Variants in NRG3 observed in about 807,000 individuals in gnomAD.
NRG3 encodes neuregulin 3.
Under a neutral mutation model 66.9 loss-of-function variants are expected in NRG3, and 31 were observed. The observed-to-expected ratio is 0.46, with a 90% CI of 0.35 to 0.63. The LOEUF (loss-of-function observed/expected upper bound fraction) is 0.63. Ranked by LOEUF, NRG3 falls within the 20% of genes least tolerant of loss-of-function variation. The probability of loss-of-function intolerance (pLI) is 0.00; values close to 1 mark genes in which losing one functional copy is unlikely to be tolerated. For synonymous variants in NRG3, 393 were observed against 359.4 expected (o/e 1.09, Z -1.06); for missense variants, 910 against 878.9 (o/e 1.04, Z -0.45).
chr10:82,910,767 A>T (rs1845239324), intron 4 of NRG3, among the ~76,000 whole-genome samples: 1 of 152,266 alleles, frequency 6.6e-6, no homozygotes, highest in African/African-American at 2.4e-5. Flanking sequence ...ATGATGAGTA[A>T]ATATAAAAAC....
In NRG3 at chr10:82,617,219, TACACACACCACAC is replaced by T. The variant is rs1313950801; in HGVS notation, c.954-121343_954-121331del. Among the ~76,000 whole-genome samples the T allele has an allele frequency of 2.6e-4, 29 of 111,478 alleles. No individual in the cohort carries two copies. The South Asian group carries it at 4.5e-3, about 17-fold the overall frequency. 73.1% of individuals were successfully genotyped at this position (111,478 alleles called of 152,430 possible). On this transcript the variant is annotated intron_variant, in intron 2 of 8. Coordinates refer to ENST00000372141, the MANE Select transcript of NRG3 (RefSeq NM_001010848.4). ...CAAACACAAACACACATCACACATA[TACACACACCACAC>T]ACACACACCACACAGACACACATAC...
chr10:82,290,273 G>C (rs2079649387), intron 1 of NRG3, among the ~76,000 whole-genome samples: 1 of 152,120 alleles, frequency 6.6e-6, no homozygotes, highest in South Asian at 2.1e-4. Context: ...TATGATTTTT[G>C]CTGTCAAACT....
chr10:82,432,454 C>T (rs1009771625), intron 2 of NRG3, among the ~76,000 whole-genome samples: 1 of 150,482 alleles, frequency 6.6e-6, no homozygotes, highest in African/African-American at 2.5e-5. Flanking sequence ...GCATAGTATT[C>T]CATTGCATAT....
At chr10:82,314,134 A>G (rs1212254036) in intron 1 of NRG3, among the ~76,000 whole-genome samples, 3 of 152,218 alleles carry the variant, frequency 2.0e-5, no homozygotes, top group African/African-American at 7.2e-5. Context: ...CAAAGTCCTC[A>G]GCACAGATTA....
At chr10:82,193,881 A>C (rs2074303495) in intron 1 of NRG3, among the ~76,000 whole-genome samples, 1 of 152,184 alleles carries the variant, frequency 6.6e-6, no homozygotes, top group Non-Finnish European at 1.5e-5. Flanking sequence ...ATTGACACTG[A>C]ATAACCCTGG....
At chr10:82,011,311 A>G (rs558109959) in intron 1 of NRG3, among the ~76,000 whole-genome samples, 2 of 152,238 alleles carry the variant, frequency 1.3e-5, no homozygotes, top group South Asian at 4.1e-4. Flanking sequence ...TATTACAAGA[A>G]CAGTATGAGG....
At chr10:82,666,483 C>A (rs1249192370) in intron 2 of NRG3, among the ~76,000 whole-genome samples, 2 of 152,146 alleles carry the variant, frequency 1.3e-5, no homozygotes, top group Admixed American at 6.5e-5. Context: ...AAATCCTCAG[C>A]CTTCCCTCTG....
chr10:82,814,340 A>G (rs1005661292), intron 3 of NRG3, among the ~76,000 whole-genome samples: 4 of 152,238 alleles, frequency 2.6e-5, no homozygotes, highest in Admixed American at 2.0e-4. Context: ...AATTTACATT[A>G]AAGAGTAGAA....
chr10:82,136,116 G>T (rs1238854854), intron 1 of NRG3, among the ~76,000 whole-genome samples: 1 of 152,152 alleles, frequency 6.6e-6, no homozygotes, highest in Non-Finnish European at 1.5e-5. Context: ...GTAGTGCCTT[G>T]GTGGTCTTGG....
intron 2 of NRG3, among the ~76,000 whole-genome samples, chr10:82,457,227 C>G (rs965768367): frequency 6.6e-6 from 1 of 152,052 alleles, no homozygotes; most frequent in African/African-American, 2.4e-5. Context: ...CTTTTTGGCA[C>G]CAGGGACCAG....
chr10:82,877,745 G>A (rs1841967414), intron 4 of NRG3, among the ~76,000 whole-genome samples: 1 of 152,028 alleles, frequency 6.6e-6, no homozygotes, highest in African/African-American at 2.4e-5. Flanking sequence ...GACTTAAATT[G>A]AAGTTTTGTT....
chr10:82,751,023 A>G (rs902142763), intron 3 of NRG3, among the ~76,000 whole-genome samples: 1 of 152,178 alleles, frequency 6.6e-6, no homozygotes, highest in Non-Finnish European at 1.5e-5. Flanking sequence ...ATTCTTGTAC[A>G]TGATACGCAC....
intron 1 of NRG3, among the ~76,000 whole-genome samples, chr10:82,243,572 C>G (rs1479011387): frequency 6.6e-6 from 1 of 152,118 alleles, no homozygotes; most frequent in Admixed American, 6.5e-5. Context: ...TGACTTTACA[C>G]TTTCCAACAG....
At chr10:82,235,098 G>A (rs1160991073) in intron 1 of NRG3, among the ~76,000 whole-genome samples, 1 of 152,192 alleles carries the variant, frequency 6.6e-6, no homozygotes, top group South Asian at 2.1e-4. Context: ...TTAAATTTGG[G>A]GAGCAATGAG....
chr10:82,304,108 A>G (rs1184811788), intron 1 of NRG3, among the ~76,000 whole-genome samples: 1 of 152,194 alleles, frequency 6.6e-6, no homozygotes, highest in Non-Finnish European at 1.5e-5. Context: ...AAGGGTTTCT[A>G]CAATCAACAT....
chr10:82,144,791 GT>G (rs2070122007), intron 1 of NRG3, among the ~76,000 whole-genome samples: 1 of 152,142 alleles, frequency 6.6e-6, no homozygotes, highest in Non-Finnish European at 1.5e-5. Flanking sequence ...CTGAACTTCT[GT>G]TTCCTCCTGT....
chr10:82,707,253 G>A (rs1350754404), intron 2 of NRG3, among the ~76,000 whole-genome samples: 3 of 151,760 alleles, frequency 2.0e-5, no homozygotes, highest in Non-Finnish European at 4.4e-5. Flanking sequence ...ATTTCACAGT[G>A]TATGGATTTT....
intron 2 of NRG3, among the ~76,000 whole-genome samples, chr10:82,403,382 C>T (rs1445980172): frequency 6.6e-6 from 1 of 152,136 alleles, no homozygotes; most frequent in Non-Finnish European, 1.5e-5. Context: ...CATTTTGTGT[C>T]ATTTAATTAT....
At chr10:82,536,559 T>G (rs1041774533) in intron 2 of NRG3, among the ~76,000 whole-genome samples, 7 of 152,212 alleles carry the variant, frequency 4.6e-5, no homozygotes, top group African/African-American at 1.7e-4. Context: ...TTGCTCGTAC[T>G]CATTTTACAA....
Sources: gnomAD v4.1 joint callset for allele counts (sites outside exome capture counted in the v4.1 genomes callset) on GRCh38, gnomAD v4.1.1 for gene constraint, MANE v1.5 for transcripts, NCBI Gene and HGNC (gene_info 2026-07-23, HGNC 2026-07-21) for gene names.